PPFIA2: variants seen among roughly 807,000 people sequenced by gnomAD.
The protein encoded by PPFIA2 is liprin-alpha-2.
PPFIA2 carries 46 observed loss-of-function variants against 175.5 expected under a neutral mutation model. The ratio of observed to expected loss-of-function variants is 0.26; its 90% CI spans 0.21 to 0.34. The LOEUF is 0.34. PPFIA2 is among the 10% of genes least tolerant of loss of function. The probability of loss-of-function intolerance (pLI) is 1.00; values close to 1 mark genes in which losing one functional copy is unlikely to be tolerated. For synonymous variants in PPFIA2, 568 were observed against 511.4 expected (o/e 1.11, Z -1.49); for missense variants, 1,179 against 1,506.1 (o/e 0.78, Z 3.60).
intron 8 of PPFIA2, among the ~76,000 whole-genome samples, chr12:81,384,714 A>G (rs2038540038): frequency 6.6e-6 from 1 of 152,124 alleles, no homozygotes; most frequent in South Asian, 2.1e-4. Context: ...AATGATGCCC[A>G]GAAGAATAAC....
At chr12:81,652,591 C>T (rs1356962570) in intron 4 of PPFIA2, among the ~76,000 whole-genome samples, 4 of 152,012 alleles carry the variant, frequency 2.6e-5, no homozygotes, top group Non-Finnish European at 5.9e-5. Context: ...CCCACCTCCC[C>T]GTCTTTCCTT....
At chr12:81,615,532 G>T (rs2061356535) in intron 4 of PPFIA2, among the ~76,000 whole-genome samples, 1 of 152,154 alleles carries the variant, frequency 6.6e-6, no homozygotes, top group African/African-American at 2.4e-5. Context: ...AGGAGCAATT[G>T]CTAACATTGG....
At chr12:81,423,403 T>G (rs1005981374) in intron 7 of PPFIA2, among the ~76,000 whole-genome samples, 2 of 152,148 alleles carry the variant, frequency 1.3e-5, no homozygotes, top group African/African-American at 2.4e-5. Flanking sequence ...TCACATATCA[T>G]GACCAAGAGA....
chr12:81,503,534 C>A (rs2002112239), intron 4 of PPFIA2, among the ~76,000 whole-genome samples: 1 of 141,512 alleles, frequency 7.1e-6, no homozygotes, highest in Non-Finnish European at 1.5e-5. Flanking sequence ...GATTACTCAT[C>A]CTTTTGTTAT....
intron 4 of PPFIA2, among the ~76,000 whole-genome samples, chr12:81,606,290 T>C (rs1258740192): frequency 1.3e-5 from 2 of 152,040 alleles, no homozygotes; most frequent in South Asian, 2.1e-4. Context: ...TATGAGTCCA[T>C]GTAACTTTTT....
chr12:81,355,047 A>G (rs1356114915), intron 16 of PPFIA2, among the ~76,000 whole-genome samples: 1 of 152,132 alleles, frequency 6.6e-6, no homozygotes, highest in East Asian at 1.9e-4. Context: ...GCCCCAATCC[A>G]TCAGAGGAGT....
intron 15 of PPFIA2, among the ~76,000 whole-genome samples, chr12:81,362,484 A>T: frequency 6.6e-6 from 1 of 151,504 alleles, no homozygotes; most frequent in Non-Finnish European, 1.5e-5. Flanking sequence ...TAACATTTTA[A>T]TTTTTTATTG....
chr12:81,539,196 C>A (rs546444190), intron 4 of PPFIA2, among the ~76,000 whole-genome samples: 2 of 151,812 alleles, frequency 1.3e-5, no homozygotes, highest in Non-Finnish European at 2.9e-5. Flanking sequence ...CTTTAAGATA[C>A]GTCAACTGAG....
chr12:81,350,480 G>C (rs2059826949), intron 17 of PPFIA2: 1 of 152,158 alleles, frequency 6.6e-6, no homozygotes, highest in South Asian at 2.1e-4. Context: ...GTGAGTAAGG[G>C]TAACATGAGT....
At chr12:81,494,264 C>G (rs2059771564) in intron 4 of PPFIA2, among the ~76,000 whole-genome samples, 1 of 151,760 alleles carries the variant, frequency 6.6e-6, no homozygotes, top group South Asian at 2.1e-4. Context: ...ACAAACAACC[C>G]CATCAAAAAG....
At chr12:81,259,709 G>A (rs564494296) in intron 32 of PPFIA2, 49 bp from the exon 33 acceptor site, 1 of 1,500,058 alleles carries the variant, frequency 6.7e-7, no homozygotes, top group African/African-American at 1.4e-5. Flanking sequence ...TCCCAGACTG[G>A]GAAATCTCAT....
intron 4 of PPFIA2, among the ~76,000 whole-genome samples, chr12:81,660,137 G>C (rs1394107769): frequency 6.6e-6 from 1 of 152,162 alleles, no homozygotes; most frequent in African/African-American, 2.4e-5. Context: ...AAAAATCAGA[G>C]CTCCTTTCCT....
chr12:81,271,627 C>T (rs2039139151), intron 28 of PPFIA2, among the ~76,000 whole-genome samples: 2 of 152,076 alleles, frequency 1.3e-5, no homozygotes, highest in Admixed American at 1.3e-4. Context: ...ACACTTAAAG[C>T]TTATAATATG....
At chr12:81,367,826 A>G (rs1522324) in intron 13 of PPFIA2, among the ~76,000 whole-genome samples, 53,817 of 151,400 alleles carry the variant, frequency 0.36, 10,389 homozygotes, top group East Asian at 0.54. Flanking sequence ...GTACTATAAG[A>G]CATTATTTAA....
At chr12:81,700,638 C>T (rs1036564795) in intron 3 of PPFIA2, among the ~76,000 whole-genome samples, 5 of 151,948 alleles carry the variant, frequency 3.3e-5, no homozygotes, top group Non-Finnish European at 7.4e-5. Flanking sequence ...GCATTGTGCA[C>T]TATGTCTGAA....
intron 5 of PPFIA2, among the ~76,000 whole-genome samples, chr12:81,454,208 AC>A (rs1253447238): frequency 6.6e-6 from 1 of 152,104 alleles, no homozygotes; most frequent in Non-Finnish European, 1.5e-5. Context: ...CAAGAGTGAG[AC>A]CTCGTCTCAA....
chr12:81,711,852 G>A (rs1013023958), intron 3 of PPFIA2, among the ~76,000 whole-genome samples: 3 of 148,636 alleles, frequency 2.0e-5, no homozygotes, highest in Admixed American at 7.0e-5. Context: ...CCTTATCAGT[G>A]CCCCAATGCA....
intron 15 of PPFIA2, among the ~76,000 whole-genome samples, chr12:81,361,725 A>G (rs1346838376): frequency 6.6e-6 from 1 of 151,728 alleles, no homozygotes; most frequent in East Asian, 1.9e-4. Context: ...TGTTGAGATT[A>G]TGGTAGTTAT....
intron 5 of PPFIA2, among the ~76,000 whole-genome samples, chr12:81,450,870 C>T (rs965591678): frequency 1.6e-4 from 25 of 152,234 alleles, no homozygotes; most frequent in African/African-American, 5.5e-4. Flanking sequence ...AGCCAGTTGA[C>T]CCAGCACAAT....
Sources: allele counts gnomAD v4.1 joint callset (sites outside exome capture counted in the v4.1 genomes callset), GRCh38; gene constraint gnomAD v4.1.1; transcripts MANE v1.5; gene names NCBI Gene and HGNC (gene_info 2026-07-23, HGNC 2026-07-21).